Variants in SFSWAP observed in about 807,000 individuals in gnomAD.
SFSWAP encodes splicing factor, suppressor of white-apricot homolog.
Under a neutral mutation model 100.7 loss-of-function variants are expected in SFSWAP, and 17 were observed. That is an observed-to-expected ratio of 0.17 (90% confidence interval 0.12 to 0.25). SFSWAP has a LOEUF of 0.25. Among genes scored for constraint, SFSWAP ranks in the 10% least tolerant of loss-of-function variants. The pLI, the probability that SFSWAP is intolerant of heterozygous loss-of-function variation, is 1.00. For synonymous variants in SFSWAP, 504 were observed against 510.1 expected (o/e 0.99, Z 0.16); for missense variants, 1,005 against 1,262.6 (o/e 0.80, Z 3.09).
chr12:131,761,136 A>C (rs775409169), intron 11 of SFSWAP, among the ~76,000 whole-genome samples: 30 of 152,108 alleles, frequency 2.0e-4, no homozygotes, highest in African/African-American at 7.0e-4. Flanking sequence ...GCCATTGTAC[A>C]CTTCTGCCTG....
At chr12:131,756,697 C>T (rs568395665) in intron 11 of SFSWAP, 53 bp downstream of exon 11, 2 of 1,465,886 alleles carry the variant, frequency 1.4e-6, no homozygotes, top group African/African-American at 2.8e-5. Context: ...AGTTGGCAAG[C>T]GTAGGATCCT....
chr12:131,782,480 G>A (rs1884573450), intron 14 of SFSWAP, among the ~76,000 whole-genome samples: 1 of 152,182 alleles, frequency 6.6e-6, no homozygotes, highest in Admixed American at 6.5e-5. Flanking sequence ...TACAAACGCA[G>A]CCTCCACTCA....
chr12:131,778,121 A>G lies in SFSWAP; in HGVS notation c.2199A>G (p.Leu733=), dbSNP rs1157906044. The change falls in exon 14 of 18, where the codon TTA becomes TTG. Residue 733 remains leucine, a synonymous_variant. Transcript: ENST00000261674. This position sits in a 1 kb window ranked among gnomAD's most constrained non-coding sequence, Gnocchi z 4.2. ...CTGGAGGCAGGCCTCTGCCTACTTT[A>G]GAAGTTAAACCACCCGATAGGCCTT... ...LLTGGRPLPT[L]EVKPPDRPSS... is the part of the protein sequence containing the mutation. 5.0e-6 allele frequency: 8 copies of G among 1,614,108 alleles called. No individual in the cohort carries two copies. The South Asian group carries it at 5.5e-5, about 11-fold the overall frequency.
At chr12:131,750,934 A>G (rs1482399636) in intron 7 of SFSWAP, among the ~76,000 whole-genome samples, 1 of 152,212 alleles carries the variant, frequency 6.6e-6, no homozygotes, top group Non-Finnish European at 1.5e-5. Context: ...TCAGCCTACC[A>G]AAGTGCTGGG....
rs946277040 is a variant in SFSWAP at position 131,711,370 on chromosome 12, C to G, written c.141C>G (p.Asp47Glu). 17 of 1,613,954 alleles carry G rather than the reference C, an allele frequency of 1.1e-5. No individual in the cohort carries two copies. Among genetic ancestry groups the G allele is most frequent in the Non-Finnish European group, 1.4e-5 (17 of 1,180,026 alleles). Reference sequence around the variant, plus strand: ...GCTATGCCTGCAAGCTGTTCCGGGACGACGAGCGGGCCCTGGCTCAGGAAC... The same window carrying G: ...GCTATGCCTGCAAGCTGTTCCGGGAGGACGAGCGGGCCCTGGCTCAGGAAC... ...VFGYACKLFR[D>E]DERALAQEQG... Residue 47 changes from aspartate (D) to glutamate (E), a missense_variant, in exon 1 of 18, where the codon GAC becomes GAG. By Grantham distance (45) the Asp-to-Glu change is conservative. This residue lies in a region of SFSWAP where 237 missense variants were observed against 337.0 expected (regional missense o/e 0.70). Transcript: ENST00000261674. This position sits in a 1 kb window ranked among gnomAD's most constrained non-coding sequence, Gnocchi z 4.9.
intron 15 of SFSWAP, among the ~76,000 whole-genome samples, chr12:131,790,150 AT>A (rs1885149233): frequency 6.6e-6 from 1 of 152,244 alleles, no homozygotes; most frequent in South Asian, 2.1e-4. Context: ...ACTCAGGAGC[AT>A]TTTTGGTTTT....
chr12:131,732,716 G>T (rs1296569364), intron 7 of SFSWAP, among the ~76,000 whole-genome samples: 3 of 152,162 alleles, frequency 2.0e-5, no homozygotes, highest in African/African-American at 7.2e-5. Flanking sequence ...CCATGCTCTG[G>T]GCATGCATAG....
chr12:131,758,710 G>T (rs541250035), intron 11 of SFSWAP, among the ~76,000 whole-genome samples: 1 of 152,198 alleles, frequency 6.6e-6, no homozygotes, highest in African/African-American at 2.4e-5. Flanking sequence ...ACATAGGGAG[G>T]CCAGGGCAGG....
At position 131,779,368 on chromosome 12, in the gene SFSWAP, G is replaced by A. The variant is rs146494140; in HGVS notation, c.2408+1038G>A. On this transcript the variant is annotated intron_variant, in intron 14 of 17. Coordinates refer to ENST00000261674, the MANE Select transcript of SFSWAP (RefSeq NM_004592.4). ...TCCAGGAGTCACTATTAAACCAAAG[G>A]CCTTCTTGATGAGGAGCCAGTTTTT... 8.1e-3 allele frequency among the ~76,000 whole-genome samples: 1,230 copies of A among 152,032 alleles called. 6 individuals carry two copies. Among genetic ancestry groups the A allele is most frequent in the Admixed American group, 0.016 (240 of 15,262 alleles).
intron 8 of SFSWAP, 51 bp downstream of exon 8, chr12:131,753,414 G>C: frequency 6.4e-7 from 1 of 1,566,488 alleles, no homozygotes; most frequent in African/African-American, 1.4e-5. Flanking sequence ...CAGCACTGCA[G>C]TCACTGGGGC....
chr12:131,717,717 G>T (rs1050327350), intron 3 of SFSWAP, among the ~76,000 whole-genome samples: 2 of 152,066 alleles, frequency 1.3e-5, no homozygotes, highest in Non-Finnish European at 2.9e-5. Flanking sequence ...AGTAAAAGTT[G>T]TATTTTTAAA....
rs1885514561 is a variant in SFSWAP at position 131,794,796 on chromosome 12, A to G, written c.2535-2382A>G. On this transcript the variant is annotated intron_variant, in intron 15 of 17. Coordinates refer to ENST00000261674, the MANE Select transcript of SFSWAP (RefSeq NM_004592.4). The surrounding 1 kb of genome is among the most constrained non-coding windows in gnomAD (Gnocchi z 4.8). ...CAGCACCGAGGACAGCGTTTCACCC[A>G]ATGGACAGTGGCACCTCGGTGCTTT... is the stretch of plus-strand genomic sequence containing the variant. Among the ~76,000 whole-genome samples the G allele has an allele frequency of 6.6e-6, 1 of 152,186 alleles. No individual in the cohort carries two copies. The highest frequency in any genetic ancestry group is 2.1e-4 in the South Asian group (1 of 4,836).
intron 15 of SFSWAP, among the ~76,000 whole-genome samples, chr12:131,789,458 G>A (rs570402377): frequency 6.6e-6 from 1 of 152,260 alleles, no homozygotes; most frequent in South Asian, 2.1e-4. Flanking sequence ...GGAGTTGGAG[G>A]CTGTAGTGTG....
chr12:131,719,274 G>A (rs1294013936), intron 3 of SFSWAP, among the ~76,000 whole-genome samples, 180 bp from the exon 4 acceptor site: 2 of 148,856 alleles, frequency 1.3e-5, no homozygotes, highest in Non-Finnish European at 3.0e-5. Context: ...TTGGAATTTT[G>A]TAAAGTGAGT....
At chr12:131,797,080 GAACTCTT>G (rs1885730140) in intron 15 of SFSWAP, 91 bp from the exon 16 acceptor site, 15 of 1,066,650 alleles carry the variant, frequency 1.4e-5, no homozygotes, top group Non-Finnish European at 1.9e-5. Flanking sequence ...GTGCCTTGAT[GAACTCTT>G]AGCCAAAAAC....
intron 11 of SFSWAP, chr12:131,757,146 A>G (rs1301062217): frequency 6.5e-6 from 1 of 154,458 alleles, no homozygotes; most frequent in Non-Finnish European, 1.4e-5. Context: ...AGCAGACAGA[A>G]GCAAAGGCCA....
At chr12:131,785,213 C>T in intron 14 of SFSWAP, 1 of 1,534,444 alleles carries the variant, frequency 6.5e-7, no homozygotes, top group Non-Finnish European at 8.7e-7. Context: ...GAGGGAAAAC[C>T]TGGTAAAACG....
intron 13 of SFSWAP, among the ~76,000 whole-genome samples, chr12:131,768,649 T>A (rs751951987): frequency 3.3e-5 from 5 of 152,180 alleles, no homozygotes; most frequent in Admixed American, 1.3e-4. Flanking sequence ...CCTCAGCTCC[T>A]CTGAGCCATT....
chr12:131,798,326 T>C (rs574908165), intron 16 of SFSWAP, among the ~76,000 whole-genome samples: 1 of 152,000 alleles, frequency 6.6e-6, no homozygotes, highest in South Asian at 2.1e-4. Context: ...AATGATAAAA[T>C]GTACATCAGT....
Sources: gnomAD v4.1 joint callset for allele counts (sites outside exome capture counted in the v4.1 genomes callset) on GRCh38, gnomAD v4.1.1 for gene constraint, gnomAD v4.1.1 regional missense constraint, Gnocchi (gnomAD v3.1) non-coding constraint, MANE v1.5 for transcripts, NCBI Gene and HGNC (gene_info 2026-07-23, HGNC 2026-07-21) for gene names.